DTHD1: variants seen among roughly 807,000 people sequenced by gnomAD.
DTHD1 encodes the protein death domain containing 1, also known as death domain-containing protein 1.
In DTHD1, 59 loss-of-function variants were observed where a neutral mutation model predicts 74.8. That is an observed-to-expected ratio of 0.79 (90% CI 0.64 to 0.98). DTHD1 has a LOEUF of 0.98. DTHD1 is among the 50% of genes least tolerant of loss of function. The probability of loss-of-function intolerance (pLI) is 0.00; values close to 1 mark genes in which losing one functional copy is unlikely to be tolerated. For synonymous variants in DTHD1, 365 were observed against 371.1 expected (o/e 0.98, Z 0.19); for missense variants, 1,051 against 1,065.4 (o/e 0.99, Z 0.19).
At chr4:36,320,410 G>T (rs1757976982) in intron 8 of DTHD1, among the ~76,000 whole-genome samples, 1 of 152,180 alleles carries the variant, frequency 6.6e-6, no homozygotes, top group African/African-American at 2.4e-5. Context: ...GATAATCTCT[G>T]CAAACCTTAC....
chr4:36,345,873 C>G lies in DTHD1; in HGVS notation c.*2049C>G, dbSNP rs894828447. ...CGGTATAGATGTATCTAAGGACACT[C>G]ACATATGTGTTCACCTGCATGCACA... On this transcript the variant is annotated 3_prime_UTR_variant, in exon 10 of 10. Coordinates refer to ENST00000639862, the MANE Select transcript of DTHD1 (RefSeq NM_001170700.3). The G allele has an allele frequency of 6.6e-6, 1 of 152,406 alleles. No homozygotes were observed. Among genetic ancestry groups the G allele is most frequent in the African/African-American group, 2.4e-5 (1 of 41,424 alleles). 9.4% of individuals were successfully genotyped at this position (152,406 alleles called of 1,614,324 possible).
chr4:36,340,645 A>G (rs1759264295), intron 9 of DTHD1, among the ~76,000 whole-genome samples: 1 of 152,208 alleles, frequency 6.6e-6, no homozygotes, highest in African/African-American at 2.4e-5. Flanking sequence ...TGACATTTGT[A>G]TTGGCTGTAG....
At chr4:36,315,671 T>C (rs1757670891) in intron 7 of DTHD1, 1 of 152,174 alleles carries the variant, frequency 6.6e-6, no homozygotes, top group African/African-American at 2.4e-5. Context: ...CTGCAAAAGC[T>C]GAATATTTCA....
At chr4:36,292,839 G>A (rs1339610300) in intron 3 of DTHD1, among the ~76,000 whole-genome samples, 1 of 152,198 alleles carries the variant, frequency 6.6e-6, no homozygotes, top group Non-Finnish European at 1.5e-5. Flanking sequence ...AAGCTTTGGT[G>A]ATTATAGGAG....
chr4:36,330,741 A>T (rs191285183), intron 8 of DTHD1, among the ~76,000 whole-genome samples: 1 of 152,280 alleles, frequency 6.6e-6, no homozygotes, highest in East Asian at 1.9e-4. Context: ...TGGGTTTGCA[A>T]TGATATAGTT....
intron 8 of DTHD1, among the ~76,000 whole-genome samples, chr4:36,320,846 CTA>C (rs1230536924): frequency 4.6e-5 from 7 of 152,246 alleles, no homozygotes; most frequent in African/African-American, 1.4e-4. Flanking sequence ...GAACATGACA[CTA>C]TGTGGATATT....
intron 8 of DTHD1, among the ~76,000 whole-genome samples, chr4:36,323,939 T>C (rs1758184308): frequency 6.6e-6 from 1 of 152,160 alleles, no homozygotes; most frequent in Admixed American, 6.5e-5. Flanking sequence ...CTCCCTTACA[T>C]GTTATCCTCA....
At chr4:36,305,169 C>A (rs976137786) in intron 5 of DTHD1, among the ~76,000 whole-genome samples, 3 of 152,164 alleles carry the variant, frequency 2.0e-5, no homozygotes, top group Non-Finnish European at 4.4e-5. Context: ...TATTTATGCT[C>A]ACTACAATTA....
At chr4:36,324,395 T>C (rs1344316602) in intron 8 of DTHD1, among the ~76,000 whole-genome samples, 1 of 152,230 alleles carries the variant, frequency 6.6e-6, no homozygotes, top group Non-Finnish European at 1.5e-5. Flanking sequence ...GATTTTTCTT[T>C]TACAAAGGAA....
intron 3 of DTHD1, 86 bp downstream of exon 3, chr4:36,290,789 TAATTG>T: frequency 2.8e-6 from 3 of 1,072,050 alleles, no homozygotes; most frequent in Non-Finnish European, 3.9e-6. Flanking sequence ...AGTGTAGATA[TAATTG>T]CTCCACTAGT....
intron 5 of DTHD1, among the ~76,000 whole-genome samples, chr4:36,295,708 A>G (rs1756356658): frequency 6.6e-6 from 1 of 152,148 alleles, no homozygotes; most frequent in African/African-American, 2.4e-5. Flanking sequence ...TTATAAGTTT[A>G]GTTGTAGCCA....
intron 9 of DTHD1, among the ~76,000 whole-genome samples, chr4:36,342,530 T>C (rs1759371111): frequency 6.6e-6 from 1 of 151,930 alleles, no homozygotes; most frequent in African/African-American, 2.4e-5. Flanking sequence ...AAGTTACACA[T>C]CAGTAACAAC....
At chr4:36,318,746 C>T (rs1441523080) in intron 8 of DTHD1, among the ~76,000 whole-genome samples, 6 of 151,622 alleles carry the variant, frequency 4.0e-5, no homozygotes. Context: ...TCCCGAGTAG[C>T]TGGGACTACA....
chr4:36,285,088 C>T (rs1755622915), intron 2 of DTHD1, among the ~76,000 whole-genome samples: 1 of 152,106 alleles, frequency 6.6e-6, no homozygotes, highest in Admixed American at 6.5e-5. Context: ...GCTTAAATCA[C>T]TCCTATAAAA....
At position 36,339,116 on chromosome 4, in the gene DTHD1, A is replaced by T. The variant is rs1377596348; in HGVS notation, c.2345A>T (p.Lys782Met). ...TGTGTTCCTTTCCCCCAATAGCATA[A>T]GAAATTAATCAACCGTCCACAGAGT... ...CKLPLKLPKH[K>M]KLINRPQSTK... Residue 782 changes from lysine (K) to methionine (M), a missense_variant, in exon 9 of 10, where the codon AAG (lysine) becomes ATG (methionine). Lys to Met is a moderately conservative substitution (Grantham distance 95). Coordinates refer to ENST00000639862, the MANE Select transcript of DTHD1 (RefSeq NM_001170700.3). 6.5e-7 allele frequency: 1 copy of T among 1,547,336 alleles called. No homozygotes were observed. Among genetic ancestry groups the T allele is most frequent in the Non-Finnish European group, 8.7e-7 (1 of 1,143,986 alleles).
intron 5 of DTHD1, among the ~76,000 whole-genome samples, chr4:36,305,207 T>C (rs1274523679): frequency 6.6e-6 from 1 of 152,220 alleles, no homozygotes; most frequent in Admixed American, 6.5e-5. Flanking sequence ...TTAATTCCTT[T>C]AATTCTATGA....
intron 9 of DTHD1, among the ~76,000 whole-genome samples, chr4:36,340,713 G>T (rs1362714426): frequency 6.6e-6 from 1 of 152,122 alleles, no homozygotes; most frequent in Non-Finnish European, 1.5e-5. Context: ...CCAGGATTTA[G>T]GAAAATAATG....
In DTHD1 at chr4:36,334,244, C is replaced by T. The variant is rs73119401; in HGVS notation, c.2341-4868C>T. Among the ~76,000 whole-genome samples, 198 of 152,246 alleles carry T rather than the reference C, an allele frequency of 1.3e-3. 1 individual carries two copies. Among genetic ancestry groups the T allele is most frequent in the African/African-American group, 4.4e-3 (183 of 41,546 alleles). On this transcript the variant is annotated intron_variant, in intron 8 of 9. Transcript: ENST00000639862. ...CCCAGTTGCTTATTCCAAATGTGGC[C>T]TTATCTGAGACCAGTTGAATCCAAG...
chr4:36,305,328 G>A (rs912034318), intron 5 of DTHD1, among the ~76,000 whole-genome samples: 1 of 152,112 alleles, frequency 6.6e-6, no homozygotes, highest in Non-Finnish European at 1.5e-5. Context: ...ATGTGGCTGG[G>A]GAGGCCTTGC....
Sources: allele counts gnomAD v4.1 joint callset (sites outside exome capture counted in the v4.1 genomes callset), GRCh38; gene constraint gnomAD v4.1.1; transcripts MANE v1.5; gene names NCBI Gene and HGNC (gene_info 2026-07-23, HGNC 2026-07-21).